CNTLN: variants seen among roughly 807,000 people sequenced by gnomAD.
CNTLN encodes centlein, centrosomal protein.
In CNTLN, 212 loss-of-function variants were observed where a neutral mutation model predicts 180.0. The ratio of observed to expected loss-of-function variants is 1.18; its 90% CI spans 1.05 to 1.32. CNTLN has a LOEUF of 1.32. Among genes scored for constraint, CNTLN ranks in the 40% most tolerant of loss-of-function variants. The probability of loss-of-function intolerance (pLI) is 0.00; values close to 1 mark genes in which losing one functional copy is unlikely to be tolerated. For missense variants in CNTLN, 2,095 were observed against 1,610.9 expected (o/e 1.30, Z -5.14); for synonymous variants, 722 against 563.1 (o/e 1.28, Z -3.99).
chr9:17,151,993 G>A (rs904523578), intron 2 of CNTLN, among the ~76,000 whole-genome samples: 1 of 152,112 alleles, frequency 6.6e-6, no homozygotes, highest in South Asian at 2.1e-4. Context: ...ATTTCTTTGG[G>A]ATCAGTGGTG....
At chr9:17,271,037 G>C (rs1422220320) in intron 5 of CNTLN, among the ~76,000 whole-genome samples, 1 of 144,076 alleles carries the variant, frequency 6.9e-6, no homozygotes, top group Non-Finnish European at 1.5e-5. Flanking sequence ...TGCAATCTCA[G>C]CCTTCCGGGT....
chr9:17,408,459 T>G (rs1827580790), intron 15 of CNTLN, among the ~76,000 whole-genome samples: 1 of 151,944 alleles, frequency 6.6e-6, no homozygotes, highest in Non-Finnish European at 1.5e-5. Context: ...AGGGAAGGGA[T>G]TTTTTTTCTA....
intron 9 of CNTLN, 94 bp from the exon 10 acceptor site, chr9:17,332,511 A>G: frequency 8.6e-7 from 1 of 1,159,504 alleles, no homozygotes; most frequent in African/African-American, 1.6e-5. Flanking sequence ...ATAATTCATT[A>G]TTAGTATTCA....
chr9:17,481,110 A>G (rs1384652700), intron 23 of CNTLN, among the ~76,000 whole-genome samples: 4 of 151,948 alleles, frequency 2.6e-5, no homozygotes, highest in Non-Finnish European at 4.4e-5. Flanking sequence ...CACAGTCCCT[A>G]CCCAACTGTG....
At chr9:17,494,980 C>T (rs529494079) in intron 25 of CNTLN, 19 of 448,600 alleles carry the variant, frequency 4.2e-5, no homozygotes, top group African/African-American at 1.2e-4. Flanking sequence ...CTGCCAGACT[C>T]GAGCAGTTCT....
At chr9:17,463,065 C>T (rs777581616) in intron 20 of CNTLN, 52 bp downstream of exon 20, 4 of 1,043,434 alleles carry the variant, frequency 3.8e-6, no homozygotes, top group Non-Finnish European at 4.3e-6. Context: ...TAGTGGCAAC[C>T]AGCTCTATTA....
chr9:17,204,761 G>C (rs11562136), intron 2 of CNTLN, among the ~76,000 whole-genome samples: 41,609 of 152,052 alleles, frequency 0.27, 6,975 homozygotes, highest in East Asian at 0.59. Context: ...AGCCAGGAAA[G>C]ATTAAGCCCG....
downstream of CNTLN, among the ~76,000 whole-genome samples, chr9:17,505,325 C>T (rs964299901): frequency 5.9e-5 from 9 of 151,718 alleles, no homozygotes; most frequent in South Asian, 4.1e-4. Flanking sequence ...TTCTAGCCAG[C>T]CTAATAAGGC....
At chr9:17,496,581 A>G (rs531209711) in intron 25 of CNTLN, among the ~76,000 whole-genome samples, 1 of 152,202 alleles carries the variant, frequency 6.6e-6, no homozygotes, top group East Asian at 1.9e-4. Context: ...GAACACAAGC[A>G]TTTAGTTAAT....
intron 2 of CNTLN, among the ~76,000 whole-genome samples, chr9:17,177,755 A>G (rs1017004313): frequency 6.6e-6 from 1 of 152,104 alleles, no homozygotes; most frequent in African/African-American, 2.4e-5. Flanking sequence ...GGTGAGTGTT[A>G]CAGCTCATAA....
At position 17,299,947 on chromosome 9, in the gene CNTLN, C is replaced by G. The variant is rs78829738; in HGVS notation, c.1146+1595C>G. 5.4e-3 allele frequency: 1,193 copies of G among 221,290 alleles called. 28 individuals are homozygous for G. Among genetic ancestry groups the G allele is most frequent in the East Asian group, 0.052 (285 of 5,446 alleles). The allele number at this position is 221,290 out of a possible 1,614,324, so 13.7% of individuals were successfully genotyped here. ...TAATTTCTTTGTGGTCCTCCCCAGT[C>G]TCCATGTCCTGTAAAGTGTGAAAAT... On this transcript the variant is annotated intron_variant, in intron 7 of 25. Coordinates refer to ENST00000380647, the MANE Select transcript of CNTLN (RefSeq NM_017738.4).
intron 2 of CNTLN, among the ~76,000 whole-genome samples, chr9:17,195,156 C>T (rs1407955055): frequency 6.6e-6 from 1 of 152,080 alleles, no homozygotes; most frequent in African/African-American, 2.4e-5. Flanking sequence ...TAATATGTTA[C>T]TTTGTGTTAT....
At chr9:17,340,797 T>C in intron 10 of CNTLN, 30 bp from the exon 11 acceptor site, 1 of 1,584,600 alleles carries the variant, frequency 6.3e-7, no homozygotes, top group Non-Finnish European at 8.6e-7. Context: ...TCTTCAAACT[T>C]ATATATACTT....
Position 17,309,100 on chromosome 9 carries a change from A to G in CNTLN, c.1189A>G (p.Asn397Asp). ...LHICFETTKS[N>D]EAMLRQSVTN... ...TATTTGTTTTGAAACCACAAAATCA[A>G]ATGAAGCTATGCTCCGGCAAAGTGT... The change falls in exon 8 of 26, where the codon AAT (asparagine) becomes GAT (aspartate). Residue 397 changes from asparagine to aspartate, a missense_variant. By Grantham distance (23) the Asn-to-Asp change is conservative. Transcript: ENST00000380647. 6.3e-7 allele frequency: 1 copy of G among 1,599,198 alleles called. No individual in the cohort carries two copies. Among genetic ancestry groups the G allele is most frequent in the Non-Finnish European group, 8.5e-7 (1 of 1,175,606 alleles).
chr9:17,473,038 T>C (rs1832117721), intron 23 of CNTLN, among the ~76,000 whole-genome samples: 2 of 152,298 alleles, frequency 1.3e-5, no homozygotes, highest in Non-Finnish European at 1.5e-5. Flanking sequence ...GTCATATTCA[T>C]GTGGAAAAAA....
At chr9:17,257,069 G>C (rs1456143854) in intron 5 of CNTLN, among the ~76,000 whole-genome samples, 2 of 151,728 alleles carry the variant, frequency 1.3e-5, no homozygotes, top group Non-Finnish European at 2.9e-5. Flanking sequence ...CTGGTGCACT[G>C]CACCCACTAA....
At chr9:17,327,008 A>T (rs147541052) in intron 8 of CNTLN, among the ~76,000 whole-genome samples, 91 of 152,242 alleles carry the variant, frequency 6.0e-4, no homozygotes, top group Non-Finnish European at 1.0e-3. Context: ...ATAATGTATG[A>T]ATATTGGTTC....
chr9:17,502,579 C>A lies in CNTLN; in HGVS notation c.4148C>A (p.Ala1383Glu), dbSNP rs757690499. The A allele has an allele frequency of 1.4e-6, 2 of 1,403,074 alleles. No individual in the cohort carries two copies. The highest frequency in any genetic ancestry group is 1.9e-6 in the Non-Finnish European group (2 of 1,027,320). 86.9% of individuals were successfully genotyped at this position (1,403,074 alleles called of 1,614,324 possible). Residue 1383 changes from alanine (A) to glutamate (E), a missense_variant, in exon 26 of 26, where the codon GCA becomes GAA. Coordinates refer to ENST00000380647, the MANE Select transcript of CNTLN (RefSeq NM_017738.4). ...CCTTTTGCCTCATATTTACTAGAAGCAGTACTGGAAAAAATAAATGAAAAA... is the reference window on the plus strand; with the variant it reads ...CCTTTTGCCTCATATTTACTAGAAGAAGTACTGGAAAAAATAAATGAAAAA... ...QLPFASYLLE[A>E]VLEKINEKKK...
chr9:17,434,501 TG>T lies in CNTLN; in HGVS notation c.3114+18313del, dbSNP rs573683406. Reference sequence around the variant, plus strand: ...ACTTGTGTATTATTTAAAAATATATTGTTTAATTTATGAGTGTTTGCAGGTT... The same window carrying T: ...ACTTGTGTATTATTTAAAAATATATTTTTAATTTATGAGTGTTTGCAGGTT... On this transcript the variant is annotated intron_variant, in intron 18 of 25. Coordinates refer to ENST00000380647, the MANE Select transcript of CNTLN (RefSeq NM_017738.4). Among the ~76,000 whole-genome samples, 110 of 152,224 alleles carry T rather than the reference TG, an allele frequency of 7.2e-4. 1 individual carries two copies. The highest frequency in any genetic ancestry group is 2.5e-3 in the African/African-American group (102 of 41,560).
Sources: allele counts gnomAD v4.1 joint callset (sites outside exome capture counted in the v4.1 genomes callset), GRCh38; gene constraint gnomAD v4.1.1; transcripts MANE v1.5; gene names NCBI Gene and HGNC (gene_info 2026-07-23, HGNC 2026-07-21).